Variants in BCAS3 observed in about 807,000 individuals in gnomAD.
The protein encoded by BCAS3 is BCAS4/BCAS3 fusion.
BCAS3 carries 53 observed loss-of-function variants against 116.1 expected under a neutral mutation model. The observed-to-expected ratio is 0.46, with a 90% CI of 0.37 to 0.57. The LOEUF is 0.57. BCAS3 is among the 20% of genes least tolerant of loss of function. BCAS3 has a pLI of 0.00. For missense variants in BCAS3, 917 were observed against 1,165.4 expected (o/e 0.79, Z 3.10); for synonymous variants, 391 against 408.2 (o/e 0.96, Z 0.51).
In BCAS3 at chr17:60,924,481, C is replaced by G; in HGVS notation, c.1068C>G (p.Cys356Trp). The change falls in exon 13 of 24, where the codon TGC (cysteine) becomes TGG (tryptophan). Residue 356 changes from cysteine (C) to tryptophan (W), a missense_variant. Cys to Trp is a radical substitution (Grantham distance 215). This residue lies in a region of BCAS3 where 807 missense variants were observed against 1,026.0 expected (regional missense o/e 0.79). Coordinates refer to ENST00000407086, the MANE Select transcript of BCAS3 (RefSeq NM_017679.5). ...HFPAHEKPVC[C>W]MAFNTSGMLL... ...CTGCCCATGAGAAGCCAGTGTGCTGCATGGCTTTTAATACAAGTGGTAAGT... is the reference window on the plus strand; with the variant it reads ...CTGCCCATGAGAAGCCAGTGTGCTGGATGGCTTTTAATACAAGTGGTAAGT... 6.2e-7 allele frequency: 1 copy of G among 1,608,272 alleles called. No homozygotes were observed. Among genetic ancestry groups the G allele is most frequent in the Non-Finnish European group, 8.5e-7 (1 of 1,176,824 alleles).
chr17:61,043,116 G>A (rs1179291751), intron 19 of BCAS3, among the ~76,000 whole-genome samples: 1 of 151,794 alleles, frequency 6.6e-6, no homozygotes, highest in African/African-American at 2.4e-5. Flanking sequence ...TGTAATCCTA[G>A]CACTTTGGGA....
rs2061337525 is a variant in BCAS3 at position 60,960,010 on chromosome 17, C to A, written c.1221+12658C>A. 6.6e-6 allele frequency among the ~76,000 whole-genome samples: 1 copy of A among 152,162 alleles called. No individual in the cohort carries two copies. Among genetic ancestry groups the A allele is most frequent in the Non-Finnish European group, 1.5e-5 (1 of 68,028 alleles). On this transcript the variant is annotated intron_variant, in intron 14 of 23. Transcript: ENST00000407086. This position sits in a 1 kb window ranked among gnomAD's most constrained non-coding sequence, Gnocchi z 4.1. ...TACATGTGATTGTTTTAAGTACCAA[C>A]CTGGATAACCCAGGGATAAGCCCCT...
chr17:61,305,760 G>A (rs1368285296), intron 22 of BCAS3, among the ~76,000 whole-genome samples: 2 of 152,128 alleles, frequency 1.3e-5, no homozygotes, highest in African/African-American at 2.4e-5. Flanking sequence ...GCTGGGTGTG[G>A]TAGCGTGCGG....
At chr17:61,000,862 T>C (rs1387651543) in intron 15 of BCAS3, among the ~76,000 whole-genome samples, 1 of 152,172 alleles carries the variant, frequency 6.6e-6, no homozygotes, top group African/African-American at 2.4e-5. Context: ...TCATTTTAAT[T>C]GTATACATCA....
At chr17:60,897,104 T>A (rs888780100) in intron 10 of BCAS3, among the ~76,000 whole-genome samples, 39 of 152,356 alleles carry the variant, frequency 2.6e-4, no homozygotes, top group African/African-American at 9.1e-4. Context: ...AATATAGTGA[T>A]AATGAATTTT....
rs2079751911 is a variant in BCAS3 at position 61,186,021 on chromosome 17, A to G, written c.2425+101457A>G. 6.6e-6 allele frequency among the ~76,000 whole-genome samples: 1 copy of G among 152,218 alleles called. No individual in the cohort carries two copies. The highest frequency in any genetic ancestry group is 6.5e-5 in the Admixed American group (1 of 15,282). Reference sequence around the variant, plus strand: ...TTAGTTTCATCCGTACATTTACTAAATAGTTCCTTAGGAGAGATGTAACAT... The same window carrying G: ...TTAGTTTCATCCGTACATTTACTAAGTAGTTCCTTAGGAGAGATGTAACAT... On this transcript the variant is annotated intron_variant, in intron 22 of 23. Coordinates refer to ENST00000407086, the MANE Select transcript of BCAS3 (RefSeq NM_017679.5). The surrounding 1 kb of genome is among the most constrained non-coding windows in gnomAD (Gnocchi z 4.9).
intron 8 of BCAS3, among the ~76,000 whole-genome samples, chr17:60,869,024 A>T (rs956207765): frequency 6.6e-5 from 10 of 152,204 alleles, no homozygotes; most frequent in Admixed American, 2.0e-4. Context: ...TATTTTGTGT[A>T]TGCTGATTTA....
chr17:61,385,118 C>T (rs2059782750), intron 23 of BCAS3, among the ~76,000 whole-genome samples: 1 of 152,226 alleles, frequency 6.6e-6, no homozygotes, highest in South Asian at 2.1e-4. Flanking sequence ...CCATCTCTGT[C>T]TCACGGAACA....
At chr17:61,370,121 C>T (rs1362965404) in intron 23 of BCAS3, among the ~76,000 whole-genome samples, 1 of 152,102 alleles carries the variant, frequency 6.6e-6, no homozygotes, top group African/African-American at 2.4e-5. Context: ...GCCCTGGCAG[C>T]AATGCATCTG....
chr17:60,905,685 G>A (rs1269977584), intron 11 of BCAS3, among the ~76,000 whole-genome samples: 1 of 152,134 alleles, frequency 6.6e-6, no homozygotes, highest in African/African-American at 2.4e-5. Context: ...AATTGAAGAC[G>A]CGGACACACA....
Position 61,077,982 on chromosome 17 carries a change from G to T in BCAS3, c.2131-351G>T, listed in dbSNP as rs563923994. Among the ~76,000 whole-genome samples, 13 of 152,156 alleles carry T rather than the reference G, an allele frequency of 8.5e-5. No homozygotes were observed. The highest frequency in any genetic ancestry group is 1.8e-4 in the Non-Finnish European group (12 of 68,022). ...AAGTACTGTCTAGAATGAATGAAAAGGTAGACCCTACGGAGCTGACACTAG... is the reference window on the plus strand; with the variant it reads ...AAGTACTGTCTAGAATGAATGAAAATGTAGACCCTACGGAGCTGACACTAG... On this transcript the variant is annotated intron_variant, in intron 20 of 23. Transcript: ENST00000407086. The surrounding 1 kb of genome is among the most constrained non-coding windows in gnomAD (Gnocchi z 4.3).
At position 61,302,695 on chromosome 17, in the gene BCAS3, G is replaced by A. The variant is rs549779006; in HGVS notation, c.2426-65632G>A. On this transcript the variant is annotated intron_variant, in intron 22 of 23. Transcript: ENST00000407086. This position sits in a 1 kb window ranked among gnomAD's most constrained non-coding sequence, Gnocchi z 4.4. ...TTCTAGAATTCATATTTTTTTTTCA[G>A]CTTTGAAAGAACAGACAACCCCACT... 5.3e-5 allele frequency among the ~76,000 whole-genome samples: 8 copies of A among 151,414 alleles called. No individual in the cohort carries two copies. Among genetic ancestry groups the A allele is most frequent in the African/African-American group, 1.7e-4 (7 of 41,222 alleles).
intron 10 of BCAS3, among the ~76,000 whole-genome samples, chr17:60,898,358 G>T (rs931413129): frequency 1.3e-5 from 2 of 152,116 alleles, no homozygotes; most frequent in Non-Finnish European, 2.9e-5. Flanking sequence ...CTTTCGTAGA[G>T]GACTTTTTTT....
intron 22 of BCAS3, among the ~76,000 whole-genome samples, chr17:61,179,874 CTT>C (rs5821309): frequency 2.2e-4 from 28 of 124,492 alleles, no homozygotes; most frequent in African/African-American, 6.9e-4. Flanking sequence ...CTCTCTCTCT[CTT>C]TTTTTTTTTT....
chr17:60,779,445 C>T (rs2045600505), intron 6 of BCAS3, among the ~76,000 whole-genome samples: 1 of 151,324 alleles, frequency 6.6e-6, no homozygotes, highest in African/African-American at 2.4e-5. Context: ...TCTCAGTTCA[C>T]TGCAACCTCC....
At chr17:60,932,827 A>C (rs2059729339) in intron 13 of BCAS3, among the ~76,000 whole-genome samples, 3 of 151,878 alleles carry the variant, frequency 2.0e-5, no homozygotes, top group African/African-American at 7.3e-5. Flanking sequence ...TAATACATGC[A>C]GATACATATC....
In BCAS3 at chr17:61,028,384, A is replaced by G. The variant is rs1359203121; in HGVS notation, c.1638-6282A>G. On this transcript the variant is annotated intron_variant, in intron 16 of 23. Transcript: ENST00000407086. This position sits in a 1 kb window ranked among gnomAD's most constrained non-coding sequence, Gnocchi z 4.3. ...GATCTTTATTCATTTTGTTAACCAG[A>G]TGTCTTCTAAAAACAAATAAGATAC... Among the ~76,000 whole-genome samples, 1 of 151,880 alleles carries G rather than the reference A, an allele frequency of 6.6e-6. No individual in the cohort carries two copies. The highest frequency in any genetic ancestry group is 1.5e-5 in the Non-Finnish European group (1 of 67,798).
At chr17:61,310,392 A>G (rs3890349) in intron 22 of BCAS3, among the ~76,000 whole-genome samples, 41,429 of 151,934 alleles carry the variant, frequency 0.27, 7,688 homozygotes, top group African/African-American at 0.53. Context: ...CGTCTCTACT[A>G]AAAATACAAA....
At chr17:60,849,961 T>A (rs2052928426) in intron 7 of BCAS3, among the ~76,000 whole-genome samples, 1 of 152,170 alleles carries the variant, frequency 6.6e-6, no homozygotes, top group Admixed American at 6.5e-5. Context: ...TCTTGCTACA[T>A]TGCCCAGGAT....
Sources: gnomAD v4.1 joint callset for allele counts (sites outside exome capture counted in the v4.1 genomes callset) on GRCh38, gnomAD v4.1.1 for gene constraint, gnomAD v4.1.1 regional missense constraint, Gnocchi (gnomAD v3.1) non-coding constraint, MANE v1.5 for transcripts, NCBI Gene and HGNC (gene_info 2026-07-23, HGNC 2026-07-21) for gene names.